CPLX2: variants seen among roughly 807,000 people sequenced by gnomAD.
CPLX2 encodes the protein complexin 2.
Under a neutral mutation model 16.3 loss-of-function variants are expected in CPLX2, and 5 were observed. The ratio of observed to expected loss-of-function variants is 0.31; its 90% CI spans 0.16 to 0.64. CPLX2 has a LOEUF of 0.64. Ranked by LOEUF, CPLX2 falls within the 30% of genes least tolerant of loss-of-function variation. The probability of loss-of-function intolerance (pLI) is 0.79; values close to 1 mark genes in which losing one functional copy is unlikely to be tolerated. For synonymous variants in CPLX2, 89 were observed against 73.2 expected (o/e 1.22, Z -1.10); for missense variants, 144 against 181.4 (o/e 0.79, Z 1.18).
At chr5:175,807,265 C>G (rs1298859955) in intron 1 of CPLX2, among the ~76,000 whole-genome samples, 1 of 152,254 alleles carries the variant, frequency 6.6e-6, no homozygotes, top group Non-Finnish European at 1.5e-5. Flanking sequence ...TCTGCCCACT[C>G]TTCATTCATG....
chr5:175,812,290 G>A (rs1758325734), intron 2 of CPLX2, among the ~76,000 whole-genome samples: 1 of 152,226 alleles, frequency 6.6e-6, no homozygotes, highest in Non-Finnish European at 1.5e-5. Flanking sequence ...GCCAGCACCT[G>A]AGGGAGACAG....
intron 1 of CPLX2, among the ~76,000 whole-genome samples, chr5:175,807,777 G>C (rs12519956): frequency 6.6e-6 from 1 of 152,078 alleles, no homozygotes; most frequent in Non-Finnish European, 1.5e-5. Context: ...CACTGGGCTC[G>C]GCCCCAAGAA....
intron 2 of CPLX2, among the ~76,000 whole-genome samples, chr5:175,835,677 TAAGAG>T (rs995204610): frequency 6.6e-6 from 1 of 151,790 alleles, no homozygotes; most frequent in Non-Finnish European, 1.5e-5. Context: ...AGTGAGTTAG[TAAGAG>T]AAGTCTTTGT....
chr5:175,870,516 G>C (rs1360520945), upstream of CPLX2, among the ~76,000 whole-genome samples: 1 of 152,186 alleles, frequency 6.6e-6, no homozygotes, highest in Non-Finnish European at 1.5e-5. Flanking sequence ...CTTGTGCAAG[G>C]CCCCTCCTCT....
intron 2 of CPLX2, among the ~76,000 whole-genome samples, chr5:175,821,794 A>G (rs1351744833): frequency 6.6e-6 from 1 of 152,238 alleles, no homozygotes; most frequent in African/African-American, 2.4e-5. Flanking sequence ...GGGTGCAGGC[A>G]TAAGGTGAGG....
intron 2 of CPLX2, among the ~76,000 whole-genome samples, chr5:175,841,475 C>T (rs1758942914): frequency 6.6e-6 from 1 of 152,212 alleles, no homozygotes; most frequent in Non-Finnish European, 1.5e-5. Flanking sequence ...AGAATAGAGG[C>T]AACCAGAGCA....
chr5:175,806,879 G>A (rs898559522), intron 1 of CPLX2, among the ~76,000 whole-genome samples: 5 of 152,108 alleles, frequency 3.3e-5, no homozygotes, highest in Non-Finnish European at 5.9e-5. Flanking sequence ...AGTTACTCAC[G>A]GGTTTCCACT....
At chr5:175,825,934 G>A (rs1274273451) in intron 2 of CPLX2, among the ~76,000 whole-genome samples, 1 of 33,198 alleles carries the variant, frequency 3.0e-5, no homozygotes, top group Non-Finnish European at 5.8e-5. Context: ...AAATGAATAA[G>A]TGCAAAAAAA....
At chr5:175,796,887 T>C (rs1455367224) in intron 1 of CPLX2, 1 of 152,198 alleles carries the variant, frequency 6.6e-6, no homozygotes, top group Admixed American at 6.5e-5. Context: ...GAGAGCTTCC[T>C]AGAGGCGGCT....
chr5:175,805,525 A>G (rs1295702177), intron 1 of CPLX2: 3 of 152,276 alleles, frequency 2.0e-5, no homozygotes, highest in Non-Finnish European at 4.4e-5. Context: ...GTCAGAACCC[A>G]GCTCCCAAGG....
chr5:175,839,049 C>A lies in CPLX2; in HGVS notation c.-89+29981C>A, dbSNP rs534829075. ...AACAAACCCAGTGTAATGCTTGGGG[C>A]ACTCCATAAGCATTTTTTAAAAATG... On this transcript the variant is annotated intron_variant, in intron 2 of 4. Coordinates refer to the CPLX2 transcript ENST00000359546. Among the ~76,000 whole-genome samples the A allele has an allele frequency of 1.1e-3, 168 of 152,178 alleles. 1 individual carries two copies. The highest frequency in any genetic ancestry group is 3.9e-3 in the African/African-American group (164 of 41,526).
intron 2 of CPLX2, among the ~76,000 whole-genome samples, chr5:175,855,286 G>A (rs901192751): frequency 6.6e-6 from 1 of 152,322 alleles, no homozygotes; most frequent in African/African-American, 2.4e-5. Flanking sequence ...TGTGCTAGCC[G>A]TGACCTCTCA....
At chr5:175,842,770 C>T (rs568753407) in intron 2 of CPLX2, among the ~76,000 whole-genome samples, 31 of 152,352 alleles carry the variant, frequency 2.0e-4, no homozygotes, top group Admixed American at 1.8e-3. Context: ...TCTCCTGAGC[C>T]CTGGCATCTG....
At chr5:175,842,747 G>A (rs1483964069) in intron 2 of CPLX2, among the ~76,000 whole-genome samples, 2 of 152,256 alleles carry the variant, frequency 1.3e-5, no homozygotes, top group Non-Finnish European at 2.9e-5. Flanking sequence ...GCGCCTCTGG[G>A]TATTAGGCAG....
In CPLX2 at chr5:175,856,497, G is replaced by T. The variant is rs186546751; in HGVS notation, c.-88-22155G>T. On this transcript the variant is annotated intron_variant, in intron 2 of 4. Coordinates refer to the CPLX2 transcript ENST00000359546. ...CATCTGAGCTCCCGCCACGCTCCGC[G>T]CAGAGCCAAGCCGAGGAATCTGACA... Among the ~76,000 whole-genome samples the T allele has an allele frequency of 1.5e-3, 234 of 152,292 alleles. 2 individuals are homozygous for T. The Middle Eastern group carries it at 0.017, about 11-fold the overall frequency.
At chr5:175,821,690 G>A (rs769210464) in intron 2 of CPLX2, among the ~76,000 whole-genome samples, 2 of 152,182 alleles carry the variant, frequency 1.3e-5, no homozygotes, top group African/African-American at 2.4e-5. Flanking sequence ...TTACAGGCGT[G>A]AGCCACCACG....
chr5:175,841,347 A>T (rs6887312), intron 2 of CPLX2, among the ~76,000 whole-genome samples: 16,400 of 152,206 alleles, frequency 0.11, 1,405 homozygotes, highest in African/African-American at 0.24. Context: ...CAGCAGGTGC[A>T]CACACAGGCT....
intron 2 of CPLX2, among the ~76,000 whole-genome samples, chr5:175,817,194 AG>A (rs1196052850): frequency 1.3e-5 from 2 of 152,244 alleles, no homozygotes; most frequent in Non-Finnish European, 2.9e-5. Flanking sequence ...ATGGAATCAC[AG>A]GATCTTAGAT....
chr5:175,841,611 C>T (rs772411843), intron 2 of CPLX2, among the ~76,000 whole-genome samples: 4 of 152,306 alleles, frequency 2.6e-5, no homozygotes, highest in Non-Finnish European at 4.4e-5. Flanking sequence ...ACACTGCAGG[C>T]TCAGAGGATC....
Sources: gnomAD v4.1 joint callset for allele counts (sites outside exome capture counted in the v4.1 genomes callset) on GRCh38, gnomAD v4.1.1 for gene constraint, MANE v1.5 for transcripts, NCBI Gene and HGNC (gene_info 2026-07-23, HGNC 2026-07-21) for gene names.